The following TRIM29 variants were observed in gnomAD, a reference collection of about 807,000 sequenced individuals.
The protein encoded by TRIM29 is tripartite motif containing 29, also known as tripartite motif-containing protein 29.
A neutral mutation model predicts 57.3 loss-of-function variants in TRIM29; 52 were observed. The observed-to-expected ratio is 0.91, with a 90% CI of 0.73 to 1.14. The LOEUF (loss-of-function observed/expected upper bound fraction) is 1.14. Among genes scored for constraint, TRIM29 ranks in the 50% most tolerant of loss-of-function variants. The probability of loss-of-function intolerance (pLI) is 0.00; values close to 1 mark genes in which losing one functional copy is unlikely to be tolerated. For synonymous variants in TRIM29, 319 were observed against 316.9 expected (o/e 1.01, Z -0.07); for missense variants, 753 against 774.6 (o/e 0.97, Z 0.33).
chr11:120,114,972 G>A (rs916243965), intron 8 of TRIM29, among the ~76,000 whole-genome samples: 1 of 152,264 alleles, frequency 6.6e-6, no homozygotes, highest in East Asian at 1.9e-4. Flanking sequence ...CCATCTCTAG[G>A]AGGAGGCCTG....
intron 4 of TRIM29, 129 bp downstream of exon 4, chr11:120,125,562 G>A: frequency 2.0e-6 from 2 of 979,828 alleles, no homozygotes; most frequent in Non-Finnish European, 3.0e-6. Context: ...ACGGCCTGAG[G>A]AAGGGTGGGT....
intron 2 of TRIM29, 97 bp downstream of exon 2, chr11:120,128,303 C>T (rs1255620978): frequency 9.2e-6 from 9 of 983,168 alleles, no homozygotes; most frequent in East Asian, 4.8e-5. Flanking sequence ...GGGATGTCTA[C>T]GTGGGCCTGG....
chr11:120,126,650 G>A (rs564734977), intron 3 of TRIM29, among the ~76,000 whole-genome samples: 15 of 151,958 alleles, frequency 9.9e-5, no homozygotes, highest in South Asian at 4.2e-4. Flanking sequence ...AATCCTAACC[G>A]GCCTCCAAGA....
chr11:120,120,940 C>T (rs1340974338), intron 5 of TRIM29: 10 of 518,802 alleles, frequency 1.9e-5, no homozygotes, highest in East Asian at 1.3e-4. Flanking sequence ...CTCTCAGCCA[C>T]GTGAGGGTGG....
chr11:120,122,936 T>TGA lies in TRIM29; in HGVS notation c.1435+16_1435+17dup. 6.2e-7 allele frequency: 1 copy of TGA among 1,610,438 alleles called. No individual in the cohort carries two copies. Among genetic ancestry groups the TGA allele is most frequent in the Non-Finnish European group, 8.5e-7 (1 of 1,177,028 alleles). On this transcript the variant is annotated intron_variant, in intron 5 of 8. Coordinates refer to ENST00000341846, the MANE Select transcript of TRIM29 (RefSeq NM_012101.4). Reference sequence around the variant, plus strand: ...AGCAGGAGAGACACTAGGTCTGGGGTGAGGGGCTCCCTCTTACCTTTGGGT... The same window carrying TGA: ...AGCAGGAGAGACACTAGGTCTGGGGTGAGAGGGGCTCCCTCTTACCTTTGGGT...
chr11:120,113,770 C>A, intron 8 of TRIM29: 1 of 442,092 alleles, frequency 2.3e-6, no homozygotes, highest in South Asian at 1.6e-5. Flanking sequence ...GGACCCCAAG[C>A]AATTCATAGG....
Position 120,127,407 on chromosome 11 carries a change from T to A in TRIM29, c.1063A>T (p.Lys355Ter). Residue 355 changes from lysine to a stop codon, truncating the protein, a stop_gained, in exon 3 of 9, where the codon AAG (lysine) becomes TAG (stop). Transcript: ENST00000341846. LOFTEE classifies it high-confidence loss of function. ...VIMDALDERA[K>*]VLHEDKQTRE... Reference sequence around the variant, plus strand: ...GTCTGCTTGTCCTCATGCAGCACCTTGGCTCTCTCATCCAGAGCATCCATG... The same window carrying A: ...GTCTGCTTGTCCTCATGCAGCACCTAGGCTCTCTCATCCAGAGCATCCATG... 6.2e-7 allele frequency: 1 copy of A among 1,614,198 alleles called. No individual in the cohort carries two copies. The highest frequency in any genetic ancestry group is 1.1e-5 in the South Asian group (1 of 91,088).
chr11:120,121,564 TC>T (rs1863445228), intron 5 of TRIM29: 1 of 156,134 alleles, frequency 6.4e-6, no homozygotes, highest in African/African-American at 2.4e-5. Flanking sequence ...GTTTCTTCCA[TC>T]ACAGACATCA....
chr11:120,125,683 G>T lies in TRIM29; in HGVS notation c.1333+8C>A, dbSNP rs115553139. 2.4e-3 allele frequency: 3,825 copies of T among 1,613,942 alleles called. 67 individuals carry two copies. The African/African-American group carries it at 0.044, about 19-fold the overall frequency. On this transcript the variant is annotated splice_region_variant and intron_variant, in intron 4 of 8. Coordinates refer to ENST00000341846, the MANE Select transcript of TRIM29 (RefSeq NM_012101.4). ...GGCCTTGGGGCCCAGCCACGAGAGG[G>T]GACCTACCGTTCTCCATGTGGTTCC...
intron 1 of TRIM29, among the ~76,000 whole-genome samples, chr11:120,135,078 GA>G (rs1435785735): frequency 6.6e-6 from 1 of 152,112 alleles, no homozygotes; most frequent in Non-Finnish European, 1.5e-5. Context: ...CCCGAACTCT[GA>G]ACTCTGAGCT....
Position 120,112,131 on chromosome 11 carries a change from C to T in TRIM29, c.*283G>A. On this transcript the variant is annotated 3_prime_UTR_variant, in exon 9 of 9. Transcript: ENST00000341846. ...AGAGGAGGAGGCTGGCGGGTTAGGG[C>T]AGGCCCCAACCTATCTCACCCCTGT... 4.9e-6 allele frequency: 2 copies of T among 406,144 alleles called. No individual in the cohort carries two copies. The highest frequency in any genetic ancestry group is 4.8e-5 in the South Asian group (2 of 42,104). The allele number at this position is 406,144 out of a possible 1,614,324, so 25.2% of individuals were successfully genotyped here.
chr11:120,133,659 G>A (rs145244520), intron 1 of TRIM29, among the ~76,000 whole-genome samples: 7 of 152,332 alleles, frequency 4.6e-5, no homozygotes, highest in East Asian at 1.9e-4. Context: ...TCCCCTTCCC[G>A]AATCCCAAAG....
intron 6 of TRIM29, among the ~76,000 whole-genome samples, 182 bp downstream of exon 6, chr11:120,120,391 A>T (rs1863407167): frequency 7.4e-6 from 1 of 134,476 alleles, no homozygotes; most frequent in Non-Finnish European, 1.6e-5. Flanking sequence ...ACACACACAC[A>T]CTTTAAGCTC....
chr11:120,116,895 C>T (rs1011800342), intron 7 of TRIM29: 5 of 346,824 alleles, frequency 1.4e-5, no homozygotes, highest in Non-Finnish European at 2.9e-5. Flanking sequence ...GGCAGAGAGC[C>T]CCCCATGTCC....
At position 120,112,159 on chromosome 11, in the gene TRIM29, T is replaced by C; in HGVS notation, c.*255A>G. ...GCCCCAACCTATCTCACCCCTGTGA[T>C]GGGTTGGCCTCTGAGCACAGGAATG... On this transcript the variant is annotated 3_prime_UTR_variant, in exon 9 of 9. Coordinates refer to ENST00000341846, the MANE Select transcript of TRIM29 (RefSeq NM_012101.4). 2.2e-6 allele frequency: 1 copy of C among 451,644 alleles called. No homozygotes were observed. Among genetic ancestry groups the C allele is most frequent in the South Asian group, 2.2e-5 (1 of 45,130 alleles). The allele number at this position is 451,644 out of a possible 1,614,324, so 28.0% of individuals were successfully genotyped here.
intron 8 of TRIM29, among the ~76,000 whole-genome samples, chr11:120,115,049 G>C (rs1256155058): frequency 6.6e-6 from 1 of 152,138 alleles, no homozygotes; most frequent in Non-Finnish European, 1.5e-5. Context: ...CACTAGCATA[G>C]GCATCCAACA....
At chr11:120,125,955 C>T in intron 3 of TRIM29, 66 bp from the exon 4 acceptor site, 2 of 1,525,650 alleles carry the variant, frequency 1.3e-6, no homozygotes, top group African/African-American at 1.4e-5. Flanking sequence ...GCTTCTCTGC[C>T]AGGGGCTCTC....
intron 7 of TRIM29, chr11:120,117,692 C>CA (rs1345191003): frequency 1.9e-5 from 3 of 161,292 alleles, no homozygotes; most frequent in African/African-American, 7.2e-5. Context: ...TCTGCCTTGT[C>CA]AGAGTGCTGG....
Position 120,137,777 on chromosome 11 carries a change from G to T in TRIM29, c.255C>A (p.Ser85=), listed in dbSNP as rs750576810. ...WRRPIIQFVE[S]GDDKNSNYFS... is the part of the protein sequence containing the mutation. The stretch of plus-strand genomic sequence containing the variant: ...AGTAGTTGGAGTTCTTGTCGTCCCC[G>T]GACTCGACAAACTGGATGATGGGTC... Residue 85 remains serine, a synonymous_variant, in exon 1 of 9, where the codon TCC becomes TCA. Transcript: ENST00000341846. The surrounding 1 kb of genome is among the most constrained non-coding windows in gnomAD (Gnocchi z 6.2). The T allele has an allele frequency of 4.3e-6, 7 of 1,612,016 alleles. No homozygotes were observed. In the Admixed American group the frequency reaches 1.2e-4, roughly 27 times the overall value.
Sources: gnomAD v4.1 joint callset for allele counts (sites outside exome capture counted in the v4.1 genomes callset) on GRCh38, gnomAD v4.1.1 for gene constraint, Gnocchi (gnomAD v3.1) non-coding constraint, MANE v1.5 for transcripts, NCBI Gene and HGNC (gene_info 2026-07-23, HGNC 2026-07-21) for gene names.